Variants in POLM observed in about 807,000 individuals in gnomAD.
The protein encoded by POLM is DNA polymerase mu.
A neutral mutation model predicts 56.7 loss-of-function variants in POLM; 52 were observed. The ratio of observed to expected loss-of-function variants is 0.92; its 90% CI spans 0.73 to 1.15. POLM has a LOEUF of 1.15. Ranked by LOEUF, POLM falls within the 50% of genes most tolerant of loss-of-function variation. The pLI, the probability that POLM is intolerant of heterozygous loss-of-function variation, is 0.00. For synonymous variants in POLM, 273 were observed against 274.3 expected (o/e 1.00, Z 0.05); for missense variants, 660 against 663.6 (o/e 0.99, Z 0.06).
intron 1 of POLM, among the ~76,000 whole-genome samples, chr7:44,081,805 G>A (rs2096200767): frequency 6.7e-6 from 1 of 148,372 alleles, no homozygotes; most frequent in South Asian, 2.1e-4. Context: ...GAGTGCAGTG[G>A]CGCGATCTCG....
intron 4 of POLM, 41 bp from the exon 5 acceptor site, chr7:44,078,852 T>C (rs753505750): frequency 1.9e-6 from 3 of 1,568,280 alleles, no homozygotes; most frequent in Admixed American, 1.7e-5. Flanking sequence ...CCTGAGGGCG[T>C]GGGAAGAAAG....
At position 44,074,489 on chromosome 7, in the gene POLM, A is replaced by T; in HGVS notation, c.877T>A (p.Ser293Thr). The T allele has an allele frequency of 6.3e-7, 1 of 1,598,446 alleles. No individual in the cohort carries two copies. Residue 293 changes from serine (S) to threonine (T), a missense_variant, in exon 7 of 11, where the codon TCC becomes ACC. Coordinates refer to ENST00000242248, the MANE Select transcript of POLM (RefSeq NM_013284.4). ...HQDLSTPVLR[S>T]DVDALQQVVE... ...ACCTGCTGCAGGGCATCTACATCGG[A>T]CCGCAGGACTGGGGTGCTCAGGTCC...
Position 44,076,619 on chromosome 7 carries a change from T to C in POLM, c.725A>G (p.Gln242Arg). The change falls in exon 6 of 11, where the codon CAG becomes CGG. Residue 242 changes from glutamine (Q) to arginine (R), a missense_variant. Gln to Arg is a conservative substitution (Grantham distance 43). Transcript: ENST00000242248. ...AGTCTTCACACCGACCCCGAAGATC[T>C]GGGTGAAGAGCTGTGGGGAAGGAGC... ...ERYQTMKLFT[Q>R]IFGVGVKTAD... 6.2e-7 allele frequency: 1 copy of C among 1,614,038 alleles called. No individual in the cohort carries two copies. The highest frequency in any genetic ancestry group is 1.1e-5 in the South Asian group (1 of 91,068).
intron 6 of POLM, among the ~76,000 whole-genome samples, chr7:44,075,302 G>A (rs11766245): frequency 0.26 from 39,971 of 152,004 alleles, 5,470 homozygotes; most frequent in African/African-American, 0.32. Context: ...CACCCGCCTC[G>A]GCCTCTCAAA....
chr7:44,072,773 A>G lies in POLM; in HGVS notation c.*518T>C, dbSNP rs915129903. 4 of 286,100 alleles carry G rather than the reference A, an allele frequency of 1.4e-5. No homozygotes were observed. The highest frequency in any genetic ancestry group is 2.6e-5 in the Non-Finnish European group (4 of 153,438). 17.7% of individuals were successfully genotyped at this position (286,100 alleles called of 1,614,324 possible). A position where few individuals can be genotyped will look rare whatever the true frequency, so the allele number is the denominator to read the frequency against. On this transcript the variant is annotated 3_prime_UTR_variant, in exon 11 of 11. Transcript: ENST00000242248. The stretch of plus-strand genomic sequence containing the variant: ...CTACCCAGGCCCTCTCCCTCTCCAG[A>G]TGCCTACAGCACACCAGACAGTAGG...
In POLM at chr7:44,074,390, C is replaced by T; in HGVS notation, c.968+8G>A. On this transcript the variant is annotated splice_region_variant and intron_variant, in intron 7 of 10. Transcript: ENST00000242248. ...GCCAAGCCAGAGGGGCACGTCGGGC[C>T]TTCTTACCTGCGGAAGCCGCCGGTC... is the stretch of plus-strand genomic sequence containing the variant. The T allele has an allele frequency of 6.4e-7, 1 of 1,553,928 alleles. No individual in the cohort carries two copies. The highest frequency in any genetic ancestry group is 8.7e-7 in the Non-Finnish European group (1 of 1,148,402).
intron 6 of POLM, among the ~76,000 whole-genome samples, chr7:44,075,482 ACCT>A (rs28382656): frequency 0.067 from 10,134 of 152,176 alleles, 448 homozygotes; most frequent in Non-Finnish European, 0.093. Flanking sequence ...TGCGGGTCTC[ACCT>A]CCTGTCAGCT....
intron 2 of POLM, 75 bp from the exon 3 acceptor site, chr7:44,080,034 T>C: frequency 9.0e-7 from 1 of 1,114,458 alleles, no homozygotes; most frequent in African/African-American, 1.5e-5. Flanking sequence ...TCAGGCTTTG[T>C]TTCTCCTGGG....
At chr7:44,076,680 C>G in intron 5 of POLM, 51 bp from the exon 6 acceptor site, 1 of 1,605,660 alleles carries the variant, frequency 6.2e-7, no homozygotes, top group Non-Finnish European at 8.5e-7. Context: ...TGGCTAGACT[C>G]GGATGATCAC....
Position 44,080,557 on chromosome 7 carries a change from T to C in POLM, c.372+176A>G, listed in dbSNP as rs2096196852. On this transcript the variant is annotated intron_variant, in intron 2 of 10. Transcript: ENST00000242248. ...AGATGGCCTGGCCCCCTCAGCCCCT[T>C]CTGTGGTTCCTCTACTGGTTTATAG... 9.7e-6 allele frequency: 7 copies of C among 720,604 alleles called. No homozygotes were observed. In the South Asian group the frequency reaches 1.0e-4, roughly 11 times the overall value. 44.6% of individuals were successfully genotyped at this position (720,604 alleles called of 1,614,324 possible).
chr7:44,078,955 T>A, intron 4 of POLM, 144 bp from the exon 5 acceptor site: 1 of 631,694 alleles, frequency 1.6e-6, no homozygotes, highest in Non-Finnish European at 2.7e-6. Context: ...GAGGTCAGGG[T>A]CCAGTAGGAC....
At position 44,073,297 on chromosome 7, in the gene POLM, G is replaced by A. The variant is rs146318307; in HGVS notation, c.1479C>T (p.Asn493=). 3.7e-4 allele frequency: 600 copies of A among 1,614,220 alleles called. 1 individual carries two copies. The highest frequency in any genetic ancestry group is 6.8e-4 in the Admixed American group (41 of 60,024). Residue 493 remains asparagine (N), a synonymous_variant, in exon 11 of 11, where the codon AAC becomes AAT. Transcript: ENST00000242248. ...GTGGGGGACACAGGCAGGCTCAGGCGTTTCTCTGCTCTGGAGGAAGGTACT... is the reference window on the plus strand; with the variant it reads ...GTGGGGGACACAGGCAGGCTCAGGCATTTCTCTGCTCTGGAGGAAGGTACT... ...GLEYLPPEQR[N]A is the part of the protein sequence containing the mutation.
At chr7:44,079,528 T>TC in intron 4 of POLM, 43 bp downstream of exon 4, 1 of 1,506,360 alleles carries the variant, frequency 6.6e-7, no homozygotes, top group Non-Finnish European at 9.1e-7. Context: ...CCCCAAGGCC[T>TC]CCCCACCCAC....
chr7:44,078,668 C>A, intron 5 of POLM, 72 bp downstream of exon 5: 2 of 1,394,018 alleles, frequency 1.4e-6, no homozygotes, highest in Non-Finnish European at 2.0e-6. Context: ...CCTCCCCGTG[C>A]ATGGTGTGGA....
Position 44,072,893 on chromosome 7 carries a change from C to G in POLM, c.*398G>C, listed in dbSNP as rs545955582. The G allele has an allele frequency of 1.0e-4, 50 of 485,664 alleles. No homozygotes were observed. In the East Asian group the frequency reaches 1.2e-3, roughly 12 times the overall value. The allele number at this position is 485,664 out of a possible 1,614,324, so 30.1% of individuals were successfully genotyped here. ...CTTCTGGGCATTCTGGGCAGGGTGC[C>G]CTGCAGGAGCCACAGTTAACTGCAG... On this transcript the variant is annotated 3_prime_UTR_variant, in exon 11 of 11. Transcript: ENST00000242248.
At chr7:44,081,211 G>A (rs2096198851) in intron 1 of POLM, among the ~76,000 whole-genome samples, 1 of 152,210 alleles carries the variant, frequency 6.6e-6, no homozygotes, top group Non-Finnish European at 1.5e-5. Flanking sequence ...GTCAGGACCA[G>A]GTGGTCTTCA....
intron 2 of POLM, 76 bp downstream of exon 2, chr7:44,080,657 C>T: frequency 1.4e-6 from 2 of 1,453,608 alleles, no homozygotes; most frequent in East Asian, 2.3e-5. Flanking sequence ...GCTGCCATGT[C>T]ACCTGTCCCA....
At chr7:44,082,035 G>A (rs554224837) in intron 1 of POLM, among the ~76,000 whole-genome samples, 3 of 152,282 alleles carry the variant, frequency 2.0e-5, no homozygotes, top group East Asian at 3.9e-4. Flanking sequence ...GTGAGCCACC[G>A]CGCCCGGCCT....
chr7:44,076,058 A>G (rs1398966555), intron 6 of POLM: 1 of 155,602 alleles, frequency 6.4e-6, no homozygotes, highest in Non-Finnish European at 1.4e-5. Flanking sequence ...CATTTTACAG[A>G]AAATGTAACA....
Sources: gnomAD v4.1 joint callset for allele counts (sites outside exome capture counted in the v4.1 genomes callset) on GRCh38, gnomAD v4.1.1 for gene constraint, MANE v1.5 for transcripts, NCBI Gene and HGNC (gene_info 2026-07-23, HGNC 2026-07-21) for gene names.